RPN2: variants seen among roughly 807,000 people sequenced by gnomAD.
RPN2 encodes dolichyl-diphosphooligosaccharide--protein glycosyltransferase subunit 2.
In RPN2, 29 loss-of-function variants were observed where a neutral mutation model predicts 71.4. The observed-to-expected ratio is 0.41, with a 90% confidence interval of 0.30 to 0.55. The LOEUF is 0.55. Among genes scored for constraint, RPN2 ranks in the 20% least tolerant of loss-of-function variants. RPN2 has a pLI of 0.35. For missense variants in RPN2, 726 were observed against 774.1 expected, an observed-to-expected ratio of 0.94 and a Z score of 0.74; for synonymous variants, 308 against 305.0, an observed-to-expected ratio of 1.01 and a Z score of -0.10.
intron 10 of RPN2, among the ~76,000 whole-genome samples, chr20:37,225,476 G>T (rs1430083923): frequency 6.6e-6 from 1 of 152,190 alleles, no homozygotes; most frequent in Non-Finnish European, 1.5e-5. Context: ...CCCAGATCCT[G>T]CTGGAAGTTT....
At chr20:37,234,319 A>G (rs137904653) in intron 15 of RPN2, among the ~76,000 whole-genome samples, 57 of 152,330 alleles carry the variant, frequency 3.7e-4, no homozygotes, top group Admixed American at 1.3e-3. Flanking sequence ...GTACTGTGCC[A>G]CTGTTGGCAG....
At chr20:37,187,089 A>G (rs956080041) in intron 2 of RPN2, among the ~76,000 whole-genome samples, 7 of 152,302 alleles carry the variant, frequency 4.6e-5, no homozygotes, top group African/African-American at 7.2e-5. Context: ...AGACTAATCT[A>G]TCGCTTATAA....
chr20:37,213,714 A>G (rs758095917), intron 8 of RPN2, 46 bp from the exon 9 acceptor site: 7 of 1,414,512 alleles, frequency 4.9e-6, no homozygotes, highest in South Asian at 4.6e-5. Context: ...TATATCCATG[A>G]CTTTCCTACC....
At chr20:37,205,627 T>G (rs1283539720) in intron 6 of RPN2, among the ~76,000 whole-genome samples, 4 of 152,206 alleles carry the variant, frequency 2.6e-5, no homozygotes, top group Non-Finnish European at 4.4e-5. Flanking sequence ...CCAAGTTTCT[T>G]TAAGTAAATA....
At chr20:37,239,753 G>A (rs1028171838) in intron 16 of RPN2, among the ~76,000 whole-genome samples, 4 of 152,060 alleles carry the variant, frequency 2.6e-5, no homozygotes, top group Non-Finnish European at 5.9e-5. Flanking sequence ...AGAGCTCCCC[G>A]GTGCCCCTTT....
intron 11 of RPN2, among the ~76,000 whole-genome samples, chr20:37,227,663 A>T (rs1056789979): frequency 4.6e-5 from 7 of 152,108 alleles, no homozygotes; most frequent in Non-Finnish European, 1.0e-4. Flanking sequence ...GTGCCTTGTG[A>T]TCTGTAAATT....
At chr20:37,198,600 T>C in intron 3 of RPN2, 108 bp downstream of exon 3, 1 of 1,536,974 alleles carries the variant, frequency 6.5e-7, no homozygotes, top group Non-Finnish European at 8.7e-7. Context: ...AGTCCATTAT[T>C]GTGAGTGGGA....
At chr20:37,222,097 C>A (rs1307094183) in intron 9 of RPN2, among the ~76,000 whole-genome samples, 1 of 152,174 alleles carries the variant, frequency 6.6e-6, no homozygotes, top group Non-Finnish European at 1.5e-5. Flanking sequence ...CAGTACTTGT[C>A]GGGTTGTGTT....
chr20:37,234,700 A>T (rs1359449451), intron 15 of RPN2, among the ~76,000 whole-genome samples: 2 of 73,866 alleles, frequency 2.7e-5, no homozygotes, highest in Non-Finnish European at 3.1e-5. Context: ...TTTTTTTTTG[A>T]GACAGGGTCT....
At chr20:37,216,687 T>C (rs2146634739) in intron 9 of RPN2, among the ~76,000 whole-genome samples, 1 of 152,114 alleles carries the variant, frequency 6.6e-6, no homozygotes, top group South Asian at 2.1e-4. Flanking sequence ...GTCTCCAACT[T>C]TTGGCCTCAA....
rs1254638894 is a variant in RPN2 at position 37,241,318 on chromosome 20, C to G, written c.*3C>G. On this transcript the variant is annotated 3_prime_UTR_variant, in exon 17 of 17. Coordinates refer to ENST00000237530, the MANE Select transcript of RPN2 (RefSeq NM_002951.5). Reference sequence around the variant, plus strand: ...TTTCTTTCAGAACAGCACATTAGTTCCAGAAGAAAGATGGAAATTCTGAAA... The same window carrying G: ...TTTCTTTCAGAACAGCACATTAGTTGCAGAAGAAAGATGGAAATTCTGAAA... The G allele has an allele frequency of 3.1e-6, 5 of 1,612,042 alleles. No homozygotes were observed. The highest frequency in any genetic ancestry group is 3.3e-5 in the Admixed American group (2 of 59,860).
chr20:37,232,430 C>T (rs769371031), intron 14 of RPN2, 39 bp downstream of exon 14: 16 of 1,609,286 alleles, frequency 9.9e-6, no homozygotes, highest in East Asian at 4.5e-5. Flanking sequence ...ATGCGTCTGG[C>T]GCCAGACCCA....
At chr20:37,218,830 C>T (rs1291522426) in intron 9 of RPN2, among the ~76,000 whole-genome samples, 1 of 151,988 alleles carries the variant, frequency 6.6e-6, no homozygotes, top group Non-Finnish European at 1.5e-5. Context: ...TAAGGTTCAT[C>T]CATGTTGTAG....
rs1324889317 is a variant in RPN2, at chr20:37,227,466, C to T, written c.1300-1084C>T. On this transcript the variant is annotated intron_variant, in intron 11 of 16. Transcript: ENST00000237530. ...TGTGATAGGAAGGAGATCTGGCATC[C>T]GGTCTCCCCATTCCATTCCTGGCCA... 8.5e-5 allele frequency among the ~76,000 whole-genome samples: 13 copies of T among 152,296 alleles called. No individual in the cohort carries two copies. The East Asian group carries it at 1.2e-3, about 14-fold the overall frequency.
chr20:37,202,215 G>A (rs770278175), intron 4 of RPN2, among the ~76,000 whole-genome samples: 18 of 152,146 alleles, frequency 1.2e-4, no homozygotes, highest in Non-Finnish European at 2.4e-4. Context: ...GTTTATCACG[G>A]GCAGATGTGT....
intron 2 of RPN2, among the ~76,000 whole-genome samples, chr20:37,192,149 T>C (rs111662393): frequency 0.014 from 2,153 of 152,292 alleles, 24 homozygotes; most frequent in Middle Eastern, 0.031. Context: ...TAAAGCGTTG[T>C]GAGCATTAAA....
rs753924496 is a variant in RPN2 at position 37,223,947 on chromosome 20, A to G, written c.1162A>G (p.Ser388Gly). The G allele has an allele frequency of 3.7e-6, 6 of 1,614,134 alleles. No individual in the cohort carries two copies. In the East Asian group the frequency reaches 1.1e-4, roughly 30 times the overall value. Reference sequence around the variant, plus strand: ...TCTTTCCACCGTGGATAAGGATCAGAGCATTGCACCCAAAACTACCCGGTA... The same window carrying G: ...TCTTTCCACCGTGGATAAGGATCAGGGCATTGCACCCAAAACTACCCGGTA... ...VDLSTVDKDQ[S>G]IAPKTTRVTY... The change falls in exon 10 of 17, where the codon AGC (serine) becomes GGC (glycine). Residue 388 changes from serine (S) to glycine (G), a missense_variant. Physicochemically the swap from Ser to Gly is moderately conservative, Grantham distance 56 (BLOSUM62 0). Transcript: ENST00000237530.
intron 2 of RPN2, among the ~76,000 whole-genome samples, chr20:37,185,384 G>C (rs956780991): frequency 6.6e-6 from 1 of 152,054 alleles, no homozygotes; most frequent in Non-Finnish European, 1.5e-5. Flanking sequence ...TGATCCACCT[G>C]CCTCAGCCTC....
At chr20:37,195,916 A>G (rs1278305434) in intron 2 of RPN2, among the ~76,000 whole-genome samples, 1 of 152,140 alleles carries the variant, frequency 6.6e-6, no homozygotes, top group Non-Finnish European at 1.5e-5. Flanking sequence ...TCTTATTTAA[A>G]TTTCATTCAT....
Sources: allele counts gnomAD v4.1 joint callset (sites outside exome capture counted in the v4.1 genomes callset), GRCh38; gene constraint gnomAD v4.1.1; transcripts MANE v1.5; gene names NCBI Gene and HGNC (gene_info 2026-07-23, HGNC 2026-07-21).